The following SAFB2 variants were observed in gnomAD, a reference collection of about 807,000 sequenced individuals.
The protein encoded by SAFB2 is scaffold attachment factor B2.
SAFB2 carries 32 observed loss-of-function variants against 100.6 expected under a neutral mutation model. That is an observed-to-expected ratio of 0.32 (90% CI 0.24 to 0.43). SAFB2 has a LOEUF of 0.43. Among genes scored for constraint, SAFB2 ranks in the 20% least tolerant of loss-of-function variants. The probability of loss-of-function intolerance (pLI) is 1.00; values close to 1 mark genes in which losing one functional copy is unlikely to be tolerated. For synonymous variants in SAFB2, 500 were observed against 439.4 expected (o/e 1.14, Z -1.72); for missense variants, 1,185 against 1,163.4 (o/e 1.02, Z -0.27).
chr19:5,599,476 T>C (rs1284306400), intron 12 of SAFB2, among the ~76,000 whole-genome samples: 2 of 152,172 alleles, frequency 1.3e-5, no homozygotes, highest in Non-Finnish European at 2.9e-5. Context: ...AGACTCAGGG[T>C]AAATTAGCCC....
chr19:5,607,278 AAAAC>A (rs1435795446), intron 9 of SAFB2, among the ~76,000 whole-genome samples: 2 of 151,970 alleles, frequency 1.3e-5, no homozygotes, highest in East Asian at 3.9e-4. Context: ...AACAAAAACA[AAAAC>A]AAAAACAAAA....
chr19:5,598,933 TTC>T (rs1279520433), intron 12 of SAFB2, 49 bp from the exon 13 acceptor site: 21 of 1,567,626 alleles, frequency 1.3e-5, no homozygotes, highest in Non-Finnish European at 1.8e-5. Flanking sequence ...ACGCCCCAAC[TTC>T]CCGCAGTAAA....
At chr19:5,600,963 A>C (rs1370366732) in intron 11 of SAFB2, among the ~76,000 whole-genome samples, 1 of 152,108 alleles carries the variant, frequency 6.6e-6, no homozygotes, top group Admixed American at 6.5e-5. Flanking sequence ...CTCAACACCA[A>C]CGACATGCCA....
At chr19:5,621,277 C>T (rs374285394) in intron 2 of SAFB2, 32 bp downstream of exon 2, 45 of 1,397,956 alleles carry the variant, frequency 3.2e-5, no homozygotes, top group Non-Finnish European at 4.4e-5. Context: ...ATTCTCTGAA[C>T]ACTCAAGCCC....
rs1358011010 is a variant in SAFB2, at chr19:5,587,675, C to T, written c.2705+26G>A. 5.2e-6 allele frequency: 8 copies of T among 1,535,832 alleles called. No individual in the cohort carries two copies. In the Admixed American group the frequency reaches 8.4e-5, roughly 16 times the overall value. On this transcript the variant is annotated intron_variant, in intron 20 of 20. Coordinates refer to ENST00000252542, the MANE Select transcript of SAFB2 (RefSeq NM_014649.3). The surrounding 1 kb of genome is among the most constrained non-coding windows in gnomAD (Gnocchi z 4.9). Reference sequence around the variant, plus strand: ...GAAGTGAGGAGCAGGAGTGAACCACCGTCCTCCACGGACGACACACCTTAC... The same window carrying T: ...GAAGTGAGGAGCAGGAGTGAACCACTGTCCTCCACGGACGACACACCTTAC...
intron 15 of SAFB2, 158 bp downstream of exon 15, chr19:5,593,733 C>A (rs778471945): frequency 4.2e-6 from 3 of 720,882 alleles, no homozygotes; most frequent in South Asian, 4.7e-5. Flanking sequence ...CCTGCAGCAG[C>A]GCAGTGAGAT....
intron 17 of SAFB2, among the ~76,000 whole-genome samples, chr19:5,591,062 C>G (rs1279288227): frequency 6.6e-6 from 1 of 152,106 alleles, no homozygotes; most frequent in African/African-American, 2.4e-5. Context: ...CCCGGGCTCC[C>G]CCATCCCCCC....
rs144359368 is a variant in SAFB2, at chr19:5,592,791, G to A, written c.2304C>T (p.Phe768=). Residue 768 remains phenylalanine (F), a synonymous_variant, in exon 16 of 21, where the codon TTC becomes TTT. Transcript: ENST00000252542. ...GGTACTGGCCCCGGTCTCGATGATCGAAGTCGTGAAAGCGGTGGTCTGGCC... is the reference window on the plus strand; with the variant it reads ...GGTACTGGCCCCGGTCTCGATGATCAAAGTCGTGAAAGCGGTGGTCTGGCC... ...FPRPDHRFHD[F]DHRDRGQYQD... 2.4e-5 allele frequency: 39 copies of A among 1,614,052 alleles called. No individual in the cohort carries two copies. The African/African-American group carries it at 4.0e-4, about 17-fold the overall frequency.
intron 11 of SAFB2, among the ~76,000 whole-genome samples, chr19:5,602,080 G>A (rs941743282): frequency 8.5e-5 from 13 of 152,094 alleles, no homozygotes; most frequent in Non-Finnish European, 4.4e-5. Flanking sequence ...CAAATGGAAG[G>A]GAAGGCTAAT....
Position 5,616,498 on chromosome 19 carries a change from A to G in SAFB2, c.275-12T>C, listed in dbSNP as rs761955488. ...CTCCATCTTCAGTCCTAATTACAGA[A>G]TAATTGTTCAATCAGATAACACTCA... On this transcript the variant is annotated splice_polypyrimidine_tract_variant and intron_variant, in intron 2 of 20. Coordinates refer to ENST00000252542, the MANE Select transcript of SAFB2 (RefSeq NM_014649.3). The G allele has an allele frequency of 1.3e-5, 21 of 1,609,496 alleles. No individual in the cohort carries two copies. The highest frequency in any genetic ancestry group is 4.0e-5 in the African/African-American group (3 of 74,842).
In SAFB2 at chr19:5,587,381, T is replaced by C. The variant is rs773375061; in HGVS notation, c.2724A>G (p.Gln908=). 1.2e-6 allele frequency: 2 copies of C among 1,612,488 alleles called. No homozygotes were observed. Among genetic ancestry groups the C allele is most frequent in the East Asian group, 4.5e-5 (2 of 44,854 alleles). Residue 908 remains glutamine, a synonymous_variant, in exon 21 of 21, where the codon CAA becomes CAG. Coordinates refer to ENST00000252542, the MANE Select transcript of SAFB2 (RefSeq NM_014649.3). The surrounding 1 kb of genome is among the most constrained non-coding windows in gnomAD (Gnocchi z 4.9). The stretch of plus-strand genomic sequence containing the variant: ...CCACGTGGCCCTGGGAATGTCCACC[T>C]TGTGCAAAGCCGCCTCGCCTAGGAA... ...GGVAGRGGFA[Q]GGHSQGHVVP...
rs143025940 is a variant in SAFB2 at position 5,592,321 on chromosome 19, T to C, written c.2348+426A>G. 3.9e-5 allele frequency among the ~76,000 whole-genome samples: 6 copies of C among 152,200 alleles called. No homozygotes were observed. The East Asian group carries it at 7.7e-4, about 20-fold the overall frequency. The stretch of plus-strand genomic sequence containing the variant: ...TGCCTTTTTAATAAACTAGATGTAT[T>C]CCTCATTTTAAAAGGCTAAAAAACC... On this transcript the variant is annotated intron_variant, in intron 16 of 20. Coordinates refer to ENST00000252542, the MANE Select transcript of SAFB2 (RefSeq NM_014649.3).
In SAFB2 at chr19:5,622,516, C is replaced by T; in HGVS notation, c.186+14G>A. 6.3e-7 allele frequency: 1 copy of T among 1,591,286 alleles called. No homozygotes were observed. The highest frequency in any genetic ancestry group is 8.6e-7 in the Non-Finnish European group (1 of 1,169,428). ...GGGCCTCCTGCGCCACCCCCGAGCC[C>T]CGCGCCGCCTCACCTTCTTGAGCCG... is the stretch of plus-strand genomic sequence containing the variant. On this transcript the variant is annotated intron_variant, in intron 1 of 20. Transcript: ENST00000252542.
intron 18 of SAFB2, among the ~76,000 whole-genome samples, chr19:5,588,341 T>C (rs192511634): frequency 2.0e-5 from 3 of 152,202 alleles, no homozygotes; most frequent in Admixed American, 6.5e-5. Context: ...GTGGAAAAGT[T>C]TGGTGGTTCT....
At chr19:5,599,325 C>T (rs1047630778) in intron 12 of SAFB2, among the ~76,000 whole-genome samples, 6 of 152,192 alleles carry the variant, frequency 3.9e-5, no homozygotes. Context: ...GGGCTTCCCT[C>T]CATTCATCTC....
intron 2 of SAFB2, among the ~76,000 whole-genome samples, chr19:5,620,912 G>T (rs1321121055): frequency 6.6e-6 from 1 of 152,156 alleles, no homozygotes; most frequent in African/African-American, 2.4e-5. Flanking sequence ...CCCTAGCAAA[G>T]CTGAGTTCTA....
At chr19:5,613,304 G>C (rs1263229260) in intron 5 of SAFB2, among the ~76,000 whole-genome samples, 161 bp downstream of exon 5, 2 of 152,204 alleles carry the variant, frequency 1.3e-5, no homozygotes. Flanking sequence ...GCCCCTGCTA[G>C]ATGGCCAGCC....
intron 11 of SAFB2, among the ~76,000 whole-genome samples, chr19:5,600,698 G>A (rs908776579): frequency 2.6e-5 from 4 of 152,204 alleles, no homozygotes; most frequent in African/African-American, 9.7e-5. Context: ...CACAGTGGCA[G>A]GACACCAAGC....
At chr19:5,589,143 C>T (rs2052331794) in intron 18 of SAFB2, 1 of 152,272 alleles carries the variant, frequency 6.6e-6, no homozygotes, top group Admixed American at 6.5e-5. Context: ...GCGGAAAGCT[C>T]CCGTGTGGAA....
Sources: gnomAD v4.1 joint callset for allele counts (sites outside exome capture counted in the v4.1 genomes callset) on GRCh38, gnomAD v4.1.1 for gene constraint, Gnocchi (gnomAD v3.1) non-coding constraint, MANE v1.5 for transcripts, NCBI Gene and HGNC (gene_info 2026-07-23, HGNC 2026-07-21) for gene names.